The following SKA2 variants were observed in gnomAD, a reference collection of about 807,000 sequenced individuals.
The protein encoded by SKA2 is spindle and kinetochore associated complex subunit 2, also known as spindle and kinetochore-associated protein 2.
SKA2 carries 13 observed loss-of-function variants against 16.9 expected under a neutral mutation model. The ratio of observed to expected loss-of-function variants is 0.77; its 90% confidence interval spans 0.50 to 1.22. The LOEUF (loss-of-function observed/expected upper bound fraction) is 1.22, where lower values mean the gene tolerates loss of function less well. SKA2 is among the 50% of genes most tolerant of loss of function. SKA2 has a pLI of 0.00. For synonymous variants in SKA2, 47 were observed against 48.5 expected (o/e 0.97, Z 0.13); for missense variants, 107 against 139.7 (o/e 0.77, Z 1.18).
chr17:59,117,350 A>G (rs1340341400), intron 3 of SKA2, among the ~76,000 whole-genome samples: 1 of 152,090 alleles, frequency 6.6e-6, no homozygotes, highest in Non-Finnish European at 1.5e-5. Flanking sequence ...TAAGTTTCAT[A>G]TCTGTATTCC....
chr17:59,126,102 C>T (rs1389964437), intron 2 of SKA2, among the ~76,000 whole-genome samples: 1 of 151,402 alleles, frequency 6.6e-6, no homozygotes, highest in Admixed American at 6.6e-5. Flanking sequence ...ACCCGGGAGG[C>T]GGAGCTTGCA....
chr17:59,116,809 G>GTT (rs2046299204), intron 3 of SKA2, among the ~76,000 whole-genome samples: 5 of 114,806 alleles, frequency 4.4e-5, no homozygotes, highest in African/African-American at 1.4e-4. Context: ...TCTGCCTTTG[G>GTT]CTTTTTTTTT....
chr17:59,148,808 C>CAAAAAAAA (rs758187008), intron 1 of SKA2, among the ~76,000 whole-genome samples: 3 of 47,566 alleles, frequency 6.3e-5, no homozygotes, highest in Admixed American at 2.8e-4. Flanking sequence ...GACCCTGTCT[C>CAAAAAAAA]AAAAAAAAAA....
intron 1 of SKA2, among the ~76,000 whole-genome samples, chr17:59,141,573 A>C (rs1053885013): frequency 2.6e-5 from 4 of 151,532 alleles, no homozygotes; most frequent in Non-Finnish European, 4.4e-5. Context: ...CTCTACAAAA[A>C]ATACAAAAAC....
intron 1 of SKA2, among the ~76,000 whole-genome samples, chr17:59,144,509 A>C (rs1358109912): frequency 6.6e-6 from 1 of 152,218 alleles, no homozygotes; most frequent in African/African-American, 2.4e-5. Context: ...AGGAAGCAAC[A>C]CGAGTGTCCA....
chr17:59,153,562 A>G (rs1167975055), intron 1 of SKA2, among the ~76,000 whole-genome samples: 1 of 152,142 alleles, frequency 6.6e-6, no homozygotes, highest in African/African-American at 2.4e-5. Flanking sequence ...AAGATATATC[A>G]AGGCCTCACT....
At chr17:59,130,562 G>A (rs1273797339) in intron 2 of SKA2, among the ~76,000 whole-genome samples, 1 of 151,780 alleles carries the variant, frequency 6.6e-6, no homozygotes, top group African/African-American at 2.4e-5. Flanking sequence ...CCCAGGAAGT[G>A]GAGGTTATGG....
chr17:59,125,394 G>C (rs2046364873), intron 2 of SKA2, among the ~76,000 whole-genome samples: 1 of 151,756 alleles, frequency 6.6e-6, no homozygotes, highest in Non-Finnish European at 1.5e-5. Context: ...TAGTTATCAT[G>C]AGTGGATGAT....
chr17:59,137,920 C>A (rs1720415929), intron 1 of SKA2: 1 of 468,866 alleles, frequency 2.1e-6, no homozygotes, highest in Non-Finnish European at 4.3e-6. Flanking sequence ...TTATGATAAT[C>A]TAAAACTCAT....
chr17:59,115,576 G>C (rs1241650556), intron 3 of SKA2, among the ~76,000 whole-genome samples: 2 of 152,076 alleles, frequency 1.3e-5, no homozygotes, highest in Non-Finnish European at 2.9e-5. Context: ...ATGTTATTCT[G>C]ACAAGACTTT....
At chr17:59,133,414 G>A (rs1478146691) in intron 1 of SKA2, among the ~76,000 whole-genome samples, 1 of 152,180 alleles carries the variant, frequency 6.6e-6, no homozygotes, top group Non-Finnish European at 1.5e-5. Flanking sequence ...AGGAAAACAT[G>A]ATTTCCACAG....
At chr17:59,138,798 C>T (rs964041155) in intron 1 of SKA2, among the ~76,000 whole-genome samples, 1 of 152,134 alleles carries the variant, frequency 6.6e-6, no homozygotes, top group African/African-American at 2.4e-5. Flanking sequence ...GTATTCCATA[C>T]TACTCAACTA....
chr17:59,114,256 C>T (rs148144210), intron 3 of SKA2, among the ~76,000 whole-genome samples: 170 of 152,268 alleles, frequency 1.1e-3, no homozygotes, highest in Admixed American at 3.8e-3. Context: ...AGGCACATCG[C>T]TATGAGGGAC....
At chr17:59,144,410 G>A (rs2046516307) in intron 1 of SKA2, among the ~76,000 whole-genome samples, 1 of 152,080 alleles carries the variant, frequency 6.6e-6, no homozygotes, top group African/African-American at 2.4e-5. Flanking sequence ...CCACTTCTGG[G>A]TATACACCTA....
chr17:59,154,809 T>C (rs1294652643), intron 1 of SKA2: 4 of 822,250 alleles, frequency 4.9e-6, no homozygotes, highest in Non-Finnish European at 7.8e-6. Context: ...ACATCTTTTT[T>C]GGTACAAACA....
At chr17:59,150,261 C>A (rs934694018) in intron 1 of SKA2, among the ~76,000 whole-genome samples, 1 of 152,060 alleles carries the variant, frequency 6.6e-6, no homozygotes, top group East Asian at 1.9e-4. Context: ...AGCAAGACTT[C>A]GGCTTTGCTT....
At chr17:59,122,820 G>A (rs993265528) in intron 2 of SKA2, among the ~76,000 whole-genome samples, 4 of 151,568 alleles carry the variant, frequency 2.6e-5, no homozygotes, top group South Asian at 2.1e-4. Flanking sequence ...ATGAGGTTTC[G>A]CCATGTTGGC....
chr17:59,125,230 A>G (rs2046363591), intron 2 of SKA2, among the ~76,000 whole-genome samples: 1 of 140,482 alleles, frequency 7.1e-6, no homozygotes, highest in East Asian at 2.1e-4. Flanking sequence ...CCCTCAGGTG[A>G]TCCACCCGCC....
intron 1 of SKA2, among the ~76,000 whole-genome samples, chr17:59,144,243 T>TA (rs1160207976): frequency 1.6e-3 from 199 of 125,146 alleles, no homozygotes; most frequent in Admixed American, 2.5e-3. Context: ...ATAGTCACCA[T>TA]AAAAAAAAAA....
Sources: gnomAD v4.1 joint callset for allele counts (sites outside exome capture counted in the v4.1 genomes callset) on GRCh38, gnomAD v4.1.1 for gene constraint, MANE v1.5 for transcripts, NCBI Gene and HGNC (gene_info 2026-07-23, HGNC 2026-07-21) for gene names.